Variants in C3 observed in about 807,000 individuals in gnomAD.
C3 encodes complement C3, also known as C3 and PZP-like alpha-2-macroglobulin domain-containing protein 1.
C3 carries 97 observed loss-of-function variants against 207.9 expected under a neutral mutation model. The observed-to-expected ratio is 0.47, with a 90% CI of 0.40 to 0.55. The LOEUF is 0.55. C3 is among the 20% of genes least tolerant of loss of function. The pLI is 0.00. For missense variants in C3, 1,684 were observed against 2,171.7 expected (o/e 0.78, Z 4.46); for synonymous variants, 848 against 857.6 (o/e 0.99, Z 0.20).
intron 23 of C3, among the ~76,000 whole-genome samples, chr19:6,695,830 T>C (rs1261797258): frequency 6.6e-6 from 1 of 152,166 alleles, no homozygotes; most frequent in Non-Finnish European, 1.5e-5. Context: ...AATAAACTGA[T>C]GTATCAGCGA....
At position 6,686,256 on chromosome 19, in the gene C3, C is replaced by G. The variant is rs1233642078; in HGVS notation, c.3678G>C (p.Gln1226His). The G allele has an allele frequency of 6.2e-7, 1 of 1,614,156 alleles. No homozygotes were observed. Among genetic ancestry groups the G allele is most frequent in the Non-Finnish European group, 8.5e-7 (1 of 1,180,034 alleles). The change falls in exon 29 of 41, where the codon CAG becomes CAC. Residue 1226 changes from glutamine to histidine, a missense_variant. By Grantham distance (24) the Gln-to-His change is conservative. This residue lies in a region of C3 where 1,280 missense variants were observed against 1,739.1 expected (regional missense o/e 0.74). Transcript: ENST00000245907. ...DKNRWEDPGK[Q>H]LYNVEATSYA... ...AGGATGTGGCCTCCACGTTGTAGAGCTGCTTACCAGGGTCCTCCCAGCGGT... is the reference window on the plus strand; with the variant it reads ...AGGATGTGGCCTCCACGTTGTAGAGGTGCTTACCAGGGTCCTCCCAGCGGT...
rs1967570459 is a variant in C3 at position 6,697,724 on chromosome 19, G to A, written c.2511C>T (p.Tyr837=). The A allele has an allele frequency of 2.5e-6, 4 of 1,613,990 alleles. No individual in the cohort carries two copies. Among genetic ancestry groups the A allele is most frequent in the Non-Finnish European group, 3.4e-6 (4 of 1,180,012 alleles). Reference sequence around the variant, plus strand: ...CCACCTGCTCGTTTCGAACAACAGAGTAGGGTAGCCGCAGGTCGATGAAGA... The same window carrying A: ...CCACCTGCTCGTTTCGAACAACAGAATAGGGTAGCCGCAGGTCGATGAAGA... ...QDFFIDLRLP[Y]SVVRNEQVEI... Residue 837 remains tyrosine, a synonymous_variant, in exon 20 of 41, where the codon TAC becomes TAT. Coordinates refer to ENST00000245907, the MANE Select transcript of C3 (RefSeq NM_000064.4).
chr19:6,685,805 TGAGA>T lies in C3; in HGVS notation c.3810+315_3810+318del, dbSNP rs200025573. On this transcript the variant is annotated intron_variant, in intron 29 of 40. Coordinates refer to ENST00000245907, the MANE Select transcript of C3 (RefSeq NM_000064.4). ...CCACCAGCAAGACAGGGTAAGATTG[TGAGA>T]TAGAACTGGGAACCTGGTCTAGAGC... 1.3e-3 allele frequency among the ~76,000 whole-genome samples: 199 copies of T among 152,156 alleles called. 5 individuals are homozygous for T. In the East Asian group the frequency reaches 0.035, roughly 27 times the overall value.
intron 21 of C3, among the ~76,000 whole-genome samples, chr19:6,697,061 T>TAAAAAAAAAAAAAAAAAAAAAA (rs1344751717): frequency 1.3e-5 from 1 of 76,542 alleles, no homozygotes. Context: ...AACAAACAAA[T>TAAAAAAAAAAAAAAAAAAAAAA]AAATAAATAA....
At position 6,697,803 on chromosome 19, in the gene C3, G is replaced by A. The variant is rs1364934761; in HGVS notation, c.2441-9C>T. Reference sequence around the variant, plus strand: ...GTCTGCCACACAGATCCCTGCTCGGGCAGAGACAGAACACGGAGTGTCAAG... The same window carrying A: ...GTCTGCCACACAGATCCCTGCTCGGACAGAGACAGAACACGGAGTGTCAAG... On this transcript the variant is annotated splice_polypyrimidine_tract_variant and intron_variant, in intron 19 of 40. Coordinates refer to ENST00000245907, the MANE Select transcript of C3 (RefSeq NM_000064.4). The A allele has an allele frequency of 1.9e-6, 3 of 1,611,338 alleles. No individual in the cohort carries two copies. The highest frequency in any genetic ancestry group is 2.2e-5 in the South Asian group (2 of 90,776).
chr19:6,710,702 G>T lies in C3; in HGVS notation c.1623C>A (p.Ser541Arg), dbSNP rs202078483. 1.6e-5 allele frequency: 26 copies of T among 1,613,554 alleles called. No homozygotes were observed. Among genetic ancestry groups the T allele is most frequent in the Non-Finnish European group, 2.2e-5 (26 of 1,179,994 alleles). Reference sequence around the variant, plus strand: ...AGTCGGCCACCACCTCCCTCTGGCCGCTGGCACCGATCAGCGTGTAGTACG... The same window carrying T: ...AGTCGGCCACCACCTCCCTCTGGCCTCTGGCACCGATCAGCGTGTAGTACG... ...LVAYYTLIGA[S>R]GQREVVADSV... Residue 541 changes from serine (S) to arginine (R), a missense_variant, in exon 13 of 41, where the codon AGC becomes AGA. Ser to Arg is a moderately radical substitution (Grantham distance 110). Around this residue, in one of 3 missense-constraint regions of C3, gnomAD observed 1,280 missense variants for 1,739.1 expected, o/e 0.74. Transcript: ENST00000245907.
At chr19:6,716,419 A>C (rs1716702546) in intron 4 of C3, 1 of 151,924 alleles carries the variant, frequency 6.6e-6, no homozygotes, top group African/African-American at 2.4e-5. Context: ...TCTTTTTTGT[A>C]GAGACAGGGT....
rs536592644 is a variant in C3 at position 6,694,395 on chromosome 19, G to T, written c.3154+36C>A. 1.0e-5 allele frequency: 16 copies of T among 1,591,640 alleles called. No individual in the cohort carries two copies. In the South Asian group the frequency reaches 1.4e-4, roughly 14 times the overall value. On this transcript the variant is annotated intron_variant, in intron 24 of 40. Transcript: ENST00000245907. Reference sequence around the variant, plus strand: ...TAGGGGAGGGATGCGCTCGGAAAGGGGTCCCTGGGGTCTCCAAGAGGGGCA... The same window carrying T: ...TAGGGGAGGGATGCGCTCGGAAAGGTGTCCCTGGGGTCTCCAAGAGGGGCA...
At chr19:6,696,560 G>A (rs369579804) in intron 22 of C3, 33 bp downstream of exon 22, 58 of 1,607,536 alleles carry the variant, frequency 3.6e-5, no homozygotes, top group Non-Finnish European at 4.8e-5. Context: ...TACCCTGCCA[G>A]CCCCTCAGCC....
intron 27 of C3, among the ~76,000 whole-genome samples, chr19:6,689,799 T>G (rs1187221232): frequency 6.6e-6 from 1 of 152,078 alleles, no homozygotes; most frequent in Non-Finnish European, 1.5e-5. Context: ...CTGGCCAATA[T>G]GGTGAAACCT....
At position 6,718,359 on chromosome 19, in the gene C3, G is replaced by C. The variant is rs772485231; in HGVS notation, c.321C>G (p.Thr107=). ...KSEKGRNKFV[T]VQATFGTQVV... ...CTTGGGTCCCGAAGGTGGCCTGCAC[G>C]GTCACGAACTTGTTGCGCCCCTTTT... Residue 107 remains threonine (T), a synonymous_variant, in exon 3 of 41, where the codon ACC becomes ACG. Transcript: ENST00000245907. 7 of 1,614,100 alleles carry C rather than the reference G, an allele frequency of 4.3e-6. No individual in the cohort carries two copies. In the South Asian group the frequency reaches 7.7e-5, roughly 18 times the overall value.
chr19:6,693,869 G>A (rs1918232425), intron 24 of C3, among the ~76,000 whole-genome samples: 1 of 152,106 alleles, frequency 6.6e-6, no homozygotes, highest in Non-Finnish European at 1.5e-5. Context: ...AGAAGATGTG[G>A]GGACCCAGGG....
At chr19:6,679,278 C>T in intron 37 of C3, 70 bp from the exon 38 acceptor site, 1 of 1,497,452 alleles carries the variant, frequency 6.7e-7, no homozygotes, top group Non-Finnish European at 9.3e-7. Flanking sequence ...ATGGGTGTGG[C>T]CAGCCCTGGG....
At position 6,690,707 on chromosome 19, in the gene C3, G is replaced by A. The variant is rs753019751; in HGVS notation, c.3411C>T (p.Asn1137=). The A allele has an allele frequency of 2.2e-5, 35 of 1,614,026 alleles. No homozygotes were observed. Among genetic ancestry groups the A allele is most frequent in the African/African-American group, 5.3e-5 (4 of 74,950 alleles). The change falls in exon 27 of 41, where the codon AAC becomes AAT. Residue 1137 remains asparagine, a synonymous_variant. Transcript: ENST00000245907. ...AGGCCGTGAGGGCCATGTCTTTCTC[G>A]TTGTTGTTCCGTAATCCACCCTGAG... ...QEMIGGLRNN[N]EKDMALTAFV...
chr19:6,693,131 C>T, intron 25 of C3, 48 bp from the exon 26 acceptor site: 1 of 1,604,710 alleles, frequency 6.2e-7, no homozygotes. Flanking sequence ...GATCCAGAGA[C>T]TGCCATGTCA....
At chr19:6,686,016 G>T in intron 29 of C3, 108 bp downstream of exon 29, 2 of 1,109,090 alleles carry the variant, frequency 1.8e-6, no homozygotes, top group South Asian at 1.2e-5. Flanking sequence ...ACACTGGCTC[G>T]TGGGAATGAA....
rs1407189742 is a variant in C3, at chr19:6,707,083, C to T, written c.2238G>A (p.Leu746=). ...CCACCCCGTGGGACCTACTCCTGGC[C>T]AGGCCCAGGTGGCTGGCCCGCGCGT... ...RQHARASHLG[L]ARSNLDEDII... is the part of the protein sequence containing the mutation. The change falls in exon 17 of 41, where the codon CTG becomes CTA. Residue 746 remains leucine (L), a synonymous_variant. Coordinates refer to ENST00000245907, the MANE Select transcript of C3 (RefSeq NM_000064.4). The T allele has an allele frequency of 1.2e-6, 2 of 1,611,640 alleles. No homozygotes were observed. Among genetic ancestry groups the T allele is most frequent in the East Asian group, 4.5e-5 (2 of 44,766 alleles).
At chr19:6,706,107 G>C (rs1184441671) in intron 17 of C3, among the ~76,000 whole-genome samples, 2 of 152,238 alleles carry the variant, frequency 1.3e-5, no homozygotes, top group Admixed American at 1.3e-4. Flanking sequence ...CACTCATCGA[G>C]TTTGGCAGGT....
chr19:6,678,988 A>G, intron 38 of C3, 137 bp downstream of exon 38: 2 of 733,920 alleles, frequency 2.7e-6, no homozygotes, highest in Non-Finnish European at 5.0e-6. Context: ...GGCCCCTCAC[A>G]ATACATGCTC....
Sources: allele counts gnomAD v4.1 joint callset (sites outside exome capture counted in the v4.1 genomes callset), GRCh38; gene constraint gnomAD v4.1.1; regional missense constraint gnomAD v4.1.1; transcripts MANE v1.5; gene names NCBI Gene and HGNC (gene_info 2026-07-23, HGNC 2026-07-21).